The following PFN2 variants were observed in gnomAD, a reference collection of about 807,000 sequenced individuals.
PFN2 encodes the protein profilin 2, also known as profilin-2.
A neutral mutation model predicts 15.3 loss-of-function variants in PFN2; 8 were observed. The observed-to-expected ratio is 0.52, with a 90% CI of 0.31 to 0.95. The LOEUF is 0.95. Ranked by LOEUF, PFN2 falls within the 40% of genes least tolerant of loss-of-function variation. The pLI, the probability that PFN2 is intolerant of heterozygous loss-of-function variation, is 0.05. For synonymous variants in PFN2, 79 were observed against 67.9 expected (o/e 1.16, Z -0.81); for missense variants, 111 against 182.3 (o/e 0.61, Z 2.25).
At position 149,965,869 on chromosome 3, in the gene PFN2, CTTAT is replaced by C. The variant is rs1344766640; in HGVS notation, c.*616_*619del. The stretch of plus-strand genomic sequence containing the variant: ...CAACCGGCACCTTGCTTAATATTAA[CTTAT>C]TTTAGTAATCAATATCCCATTAATT... On this transcript the variant is annotated 3_prime_UTR_variant, in exon 3 of 3. Transcript: ENST00000239940. The C allele has an allele frequency of 1.9e-4, 229 of 1,198,954 alleles. No homozygotes were observed. The highest frequency in any genetic ancestry group is 2.3e-4 in the Non-Finnish European group (225 of 963,996). The allele number at this position is 1,198,954 out of a possible 1,614,324, so 74.3% of individuals were successfully genotyped here.
In PFN2 at chr3:149,965,821, A is replaced by T. The variant is rs1372274049; in HGVS notation, c.*668T>A. On this transcript the variant is annotated 3_prime_UTR_variant, in exon 3 of 3. Transcript: ENST00000239940. ...GCCAAGTAAATGCTCAAAGTGCTGA[A>T]AAGACACTGATCAGAGATTGTACAA... 3 of 1,098,410 alleles carry T rather than the reference A, an allele frequency of 2.7e-6. No homozygotes were observed. Among genetic ancestry groups the T allele is most frequent in the African/African-American group, 1.7e-5 (1 of 60,578 alleles). The allele number at this position is 1,098,410 out of a possible 1,614,324, so 68.0% of individuals were successfully genotyped here. A position where few individuals can be genotyped will look rare whatever the true frequency, so the allele number is the denominator to read the frequency against.
In PFN2 at chr3:149,966,185, C is replaced by A. The variant is rs375344821; in HGVS notation, c.*304G>T. Reference sequence around the variant, plus strand: ...AGGCTGCTTACACATCAGACCTCCTCAGGTATAAAGCGAGTTCATATGCTT... The same window carrying A: ...AGGCTGCTTACACATCAGACCTCCTAAGGTATAAAGCGAGTTCATATGCTT... On this transcript the variant is annotated 3_prime_UTR_variant, in exon 3 of 3. Coordinates refer to ENST00000239940, the MANE Select transcript of PFN2 (RefSeq NM_053024.4). 1.9e-6 allele frequency: 3 copies of A among 1,613,646 alleles called. No individual in the cohort carries two copies. Among genetic ancestry groups the A allele is most frequent in the Non-Finnish European group, 2.5e-6 (3 of 1,179,652 alleles).
chr3:149,967,207 CTCT>C (rs1402256987), intron 2 of PFN2, among the ~76,000 whole-genome samples: 1 of 152,152 alleles, frequency 6.6e-6, no homozygotes, highest in Non-Finnish European at 1.5e-5. Flanking sequence ...TTTCTAATTG[CTCT>C]TCTATGATGC....
At chr3:149,967,615 GT>G (rs148240666) in intron 2 of PFN2, among the ~76,000 whole-genome samples, 9,899 of 152,184 alleles carry the variant, frequency 0.065, 346 homozygotes, top group African/African-American at 0.098. Flanking sequence ...ATTCGTATGC[GT>G]TAACACATTA....
Position 149,966,169 on chromosome 3 carries a change from A to T in PFN2, c.*320T>A. 1 of 1,613,082 alleles carries T rather than the reference A, an allele frequency of 6.2e-7. No homozygotes were observed. Among genetic ancestry groups the T allele is most frequent in the Non-Finnish European group, 8.5e-7 (1 of 1,179,396 alleles). On this transcript the variant is annotated 3_prime_UTR_variant, in exon 3 of 3. Coordinates refer to ENST00000239940, the MANE Select transcript of PFN2 (RefSeq NM_053024.4). ...CTAGGTAGATGGGGAGAGGCTGCTT[A>T]CACATCAGACCTCCTCAGGTATAAA...
chr3:149,966,171 A>T lies in PFN2; in HGVS notation c.*318T>A, dbSNP rs1267964650. The T allele has an allele frequency of 6.2e-7, 1 of 1,612,940 alleles. No homozygotes were observed. The highest frequency in any genetic ancestry group is 8.5e-7 in the Non-Finnish European group (1 of 1,179,420). On this transcript the variant is annotated 3_prime_UTR_variant, in exon 3 of 3. Coordinates refer to ENST00000239940, the MANE Select transcript of PFN2 (RefSeq NM_053024.4). ...AGGTAGATGGGGAGAGGCTGCTTAC[A>T]CATCAGACCTCCTCAGGTATAAAGC...
Position 149,970,732 on chromosome 3 carries a change from C to G in PFN2, c.125G>C (p.Ser42Thr). The G allele has an allele frequency of 3.3e-6, 5 of 1,520,374 alleles. No homozygotes were observed. The highest frequency in any genetic ancestry group is 4.4e-6 in the Non-Finnish European group (5 of 1,130,648). The allele number at this position is 1,520,374 out of a possible 1,614,324, so 94.2% of individuals were successfully genotyped here. The change falls in exon 1 of 3, where the codon AGC (serine) becomes ACC (threonine). Residue 42 changes from serine to threonine, a missense_variant. Around this residue, in one of 2 missense-constraint regions of PFN2, gnomAD observed 64 missense variants for 69.7 expected, o/e 0.92. Coordinates refer to ENST00000239940, the MANE Select transcript of PFN2 (RefSeq NM_053024.4). Reference protein sequence around the residue: ...WAATAGGVFQSITPIEIDMIV... With the variant: ...WAATAGGVFQTITPIEIDMIV... ...GCCGCCACTGGTCCTCACCGTAATG[C>G]TCTGAAAGACGCCCCCGGCCGTGGC...
rs1722695335 is a variant in PFN2 at position 149,966,479 on chromosome 3, T to G, written c.*10A>C. 1 of 1,610,958 alleles carries G rather than the reference T, an allele frequency of 6.2e-7. No homozygotes were observed. Among genetic ancestry groups the G allele is most frequent in the East Asian group, 2.2e-5 (1 of 44,862 alleles). On this transcript the variant is annotated 3_prime_UTR_variant, in exon 3 of 3. Transcript: ENST00000239940. ...AATTTTCCCCTAATACTTAACAGTC[T>G]GCCTAGCAGCTAGAACCCAGAGTCT...
At position 149,968,460 on chromosome 3, in the gene PFN2, T is replaced by G; in HGVS notation, c.223A>C (p.Arg75=). 6.2e-7 allele frequency: 1 copy of G among 1,614,054 alleles called. No individual in the cohort carries two copies. The highest frequency in any genetic ancestry group is 8.5e-7 in the Non-Finnish European group (1 of 1,179,974). Residue 75 remains arginine, a synonymous_variant, in exon 2 of 3, where the codon AGA becomes CGA. Transcript: ENST00000239940. ...TCACCATCGACGTATAGACTATCTC[T>G]GATCACTGAGCATTTCTTCGCGCCA... The part of the protein sequence containing the change: ...TLGAKKCSVI[R]DSLYVDGDCT...
rs892699511 is a variant in PFN2, at chr3:149,965,067, C to T, written c.*1422G>A. 5.2e-6 allele frequency: 3 copies of T among 578,330 alleles called. No individual in the cohort carries two copies. The highest frequency in any genetic ancestry group is 3.8e-5 in the African/African-American group (2 of 52,746). 35.8% of individuals were successfully genotyped at this position (578,330 alleles called of 1,614,324 possible). A position where few individuals can be genotyped will look rare whatever the true frequency, so the allele number is the denominator to read the frequency against. On this transcript the variant is annotated 3_prime_UTR_variant, in exon 3 of 3. Coordinates refer to ENST00000239940, the MANE Select transcript of PFN2 (RefSeq NM_053024.4). ...TCAGCAACAAGATTTGTTTTTAAAT[C>T]TGTACATTATCCACAAGGCCCAAAC...
chr3:149,968,676 T>A, intron 1 of PFN2, 126 bp from the exon 2 acceptor site: 1 of 698,822 alleles, frequency 1.4e-6, no homozygotes, highest in Non-Finnish European at 2.4e-6. Context: ...GATAGCCACA[T>A]TTCACTAATG....
intron 1 of PFN2, among the ~76,000 whole-genome samples, chr3:149,970,048 T>TA (rs1559987329): frequency 3.4e-5 from 5 of 148,844 alleles, no homozygotes; most frequent in Non-Finnish European, 5.9e-5. Context: ...CTTGGAGAAT[T>TA]TAAAAAAAAA....
chr3:149,964,977 T>C lies in PFN2; in HGVS notation c.*1512A>G. The stretch of plus-strand genomic sequence containing the variant: ...TAGTTATGGCATTTTTTTAAATGCA[T>C]ATTAAATCAGATGAGTTAGACTGTA... On this transcript the variant is annotated 3_prime_UTR_variant, in exon 3 of 3. Coordinates refer to ENST00000239940, the MANE Select transcript of PFN2 (RefSeq NM_053024.4). 1 of 428,956 alleles carries C rather than the reference T, an allele frequency of 2.3e-6. No individual in the cohort carries two copies. Among genetic ancestry groups the C allele is most frequent in the East Asian group, 3.5e-5 (1 of 28,346 alleles). 26.6% of individuals were successfully genotyped at this position (428,956 alleles called of 1,614,324 possible).
rs1722661401 is a variant in PFN2 at position 149,965,569 on chromosome 3, C to A, written c.*920G>T. On this transcript the variant is annotated 3_prime_UTR_variant, in exon 3 of 3. Transcript: ENST00000239940. Reference sequence around the variant, plus strand: ...CACTATGAATAAAGGTTTGTCTCTGCTCAAGTGCAACAACAATACTAAAAG... The same window carrying A: ...CACTATGAATAAAGGTTTGTCTCTGATCAAGTGCAACAACAATACTAAAAG... The A allele has an allele frequency of 8.0e-7, 1 of 1,246,520 alleles. No individual in the cohort carries two copies. The highest frequency in any genetic ancestry group is 1.5e-5 in the African/African-American group (1 of 64,834). 77.2% of individuals were successfully genotyped at this position (1,246,520 alleles called of 1,614,324 possible).
chr3:149,966,846 G>GAA (rs199588199), intron 2 of PFN2, among the ~76,000 whole-genome samples: 2 of 139,076 alleles, frequency 1.4e-5, no homozygotes, highest in Non-Finnish European at 1.6e-5. Flanking sequence ...ACTAGCTACA[G>GAA]AAAAAAAAAA....
intron 2 of PFN2, among the ~76,000 whole-genome samples, chr3:149,967,786 G>GT (rs1559986242): frequency 6.6e-6 from 1 of 152,134 alleles, no homozygotes; most frequent in Non-Finnish European, 1.5e-5. Context: ...CAAACTAAAT[G>GT]TAATTTCCTA....
At position 149,965,279 on chromosome 3, in the gene PFN2, A is replaced by G; in HGVS notation, c.*1210T>C. 7 of 1,535,372 alleles carry G rather than the reference A, an allele frequency of 4.6e-6. No homozygotes were observed. Among genetic ancestry groups the G allele is most frequent in the Non-Finnish European group, 6.1e-6 (7 of 1,146,496 alleles). ...ATAATGCAACTTCATATAAAAACTC[A>G]AGCTGCAAATAAAAATTGGTCCTAT... On this transcript the variant is annotated 3_prime_UTR_variant, in exon 3 of 3. Transcript: ENST00000239940.
rs1722679722 is a variant in PFN2 at position 149,965,997 on chromosome 3, G to A, written c.*492C>T. 5.0e-6 allele frequency: 7 copies of A among 1,410,076 alleles called. No homozygotes were observed. The highest frequency in any genetic ancestry group is 6.4e-6 in the Non-Finnish European group (7 of 1,086,108). The allele number at this position is 1,410,076 out of a possible 1,614,324, so 87.3% of individuals were successfully genotyped here. A position where few individuals can be genotyped will look rare whatever the true frequency, so the allele number is the denominator to read the frequency against. ...TGCTGCAATTATGTTGCCAGATAAG[G>A]GTTGGTTACATACAGTGGTTAACAT... On this transcript the variant is annotated 3_prime_UTR_variant, in exon 3 of 3. Transcript: ENST00000239940.
intron 1 of PFN2, 89 bp from the exon 2 acceptor site, chr3:149,968,639 G>A (rs1722757777): frequency 1.8e-6 from 2 of 1,109,972 alleles, no homozygotes; most frequent in South Asian, 1.5e-5. Context: ...AGGAAGGGCT[G>A]TAGCTAGGCT....
Sources: gnomAD v4.1 joint callset for allele counts (sites outside exome capture counted in the v4.1 genomes callset) on GRCh38, gnomAD v4.1.1 for gene constraint, gnomAD v4.1.1 regional missense constraint, MANE v1.5 for transcripts, NCBI Gene and HGNC (gene_info 2026-07-23, HGNC 2026-07-21) for gene names.